The following PDS5A variants were observed in gnomAD, a reference collection of about 807,000 sequenced individuals.
PDS5A encodes PDS5 cohesin associated factor A, also known as sister chromatid cohesion protein PDS5 homolog A.
In PDS5A, 42 loss-of-function variants were observed where a neutral mutation model predicts 167.1. The observed-to-expected ratio is 0.25, with a 90% CI of 0.20 to 0.33. The LOEUF is 0.33. PDS5A is among the 10% of genes least tolerant of loss of function. The probability of loss-of-function intolerance (pLI) is 1.00; values close to 1 mark genes in which losing one functional copy is unlikely to be tolerated. For synonymous variants in PDS5A, 553 were observed against 554.6 expected, an observed-to-expected ratio of 1.00 and a Z score of 0.04; for missense variants, 1,033 against 1,605.9, an observed-to-expected ratio of 0.64 and a Z score of 6.10.
Position 39,908,477 on chromosome 4 carries a change from A to G in PDS5A, c.1151T>C (p.Ile384Thr). Residue 384 changes from isoleucine (I) to threonine (T), a missense_variant, in exon 11 of 33, where the codon ATA becomes ACA. This residue lies in a region of PDS5A where 388 missense variants were observed against 615.1 expected (regional missense o/e 0.63). Coordinates refer to ENST00000303538, the MANE Select transcript of PDS5A (RefSeq NM_001100399.2). ...CAGGTCCCTCTTGGCAGCTGTTATTATAGTAACAATGACATCATGACGAAT... is the reference window on the plus strand; with the variant it reads ...CAGGTCCCTCTTGGCAGCTGTTATTGTAGTAACAATGACATCATGACGAAT... ...EAIRHDVIVT[I>T]ITAAKRDLAL... 1.2e-6 allele frequency: 2 copies of G among 1,601,094 alleles called. No homozygotes were observed. The highest frequency in any genetic ancestry group is 1.7e-6 in the Non-Finnish European group (2 of 1,168,208).
At chr4:39,896,125 C>T (rs1461951743) in intron 16 of PDS5A, among the ~76,000 whole-genome samples, 1 of 151,360 alleles carries the variant, frequency 6.6e-6, no homozygotes, top group Admixed American at 6.6e-5. Context: ...TCACTGTAGG[C>T]TTAAAATCCT....
chr4:39,895,577 A>G (rs983807364), intron 16 of PDS5A, among the ~76,000 whole-genome samples: 107 of 152,336 alleles, frequency 7.0e-4, no homozygotes, highest in African/African-American at 2.4e-3. Flanking sequence ...GAAACAGGAC[A>G]TTACAGTACA....
intron 16 of PDS5A, 25 bp from the exon 17 acceptor site, chr4:39,890,389 A>C: frequency 8.2e-7 from 1 of 1,226,582 alleles, no homozygotes; most frequent in East Asian, 2.5e-5. Flanking sequence ...GAGTTTTACC[A>C]AAAACGTGAT....
chr4:39,863,567 A>T, intron 23 of PDS5A, 108 bp from the exon 24 acceptor site: 1 of 685,156 alleles, frequency 1.5e-6, no homozygotes, highest in Non-Finnish European at 2.3e-6. Flanking sequence ...ATTTATGTTT[A>T]AAATGACGTA....
chr4:39,910,760 G>A (rs1448917688), intron 9 of PDS5A, among the ~76,000 whole-genome samples: 3 of 152,090 alleles, frequency 2.0e-5, no homozygotes, highest in East Asian at 1.9e-4. Context: ...TTTGGGAGGC[G>A]GAGACAGGTG....
At chr4:39,953,742 A>G (rs1413340636) in intron 2 of PDS5A, among the ~76,000 whole-genome samples, 2 of 152,170 alleles carry the variant, frequency 1.3e-5, no homozygotes, top group Non-Finnish European at 2.9e-5. Flanking sequence ...AAGAATAAGT[A>G]AAGTAAAATT....
intron 8 of PDS5A, among the ~76,000 whole-genome samples, chr4:39,915,915 G>A (rs1383227136): frequency 2.6e-5 from 4 of 151,982 alleles, no homozygotes; most frequent in Non-Finnish European, 5.9e-5. Context: ...CTGAAAACTC[G>A]CCCCTCTGCT....
At chr4:39,928,235 A>T (rs1282587228) in intron 2 of PDS5A, 71 bp from the exon 3 acceptor site, 3 of 875,934 alleles carry the variant, frequency 3.4e-6, no homozygotes, top group East Asian at 5.6e-5. Context: ...ATGTGATTTA[A>T]AAAAAAAAAA....
chr4:39,863,554 A>G, intron 23 of PDS5A, 95 bp from the exon 24 acceptor site: 2 of 778,878 alleles, frequency 2.6e-6, no homozygotes, highest in Middle Eastern at 2.5e-4. Flanking sequence ...TCCTTAGAGC[A>G]TAATTTATGT....
intron 18 of PDS5A, among the ~76,000 whole-genome samples, chr4:39,877,447 T>G (rs1165576755): frequency 6.6e-6 from 1 of 152,148 alleles, no homozygotes; most frequent in East Asian, 1.9e-4. Context: ...CATGGCTCCT[T>G]TTTTATGGAA....
intron 2 of PDS5A, among the ~76,000 whole-genome samples, chr4:39,946,991 A>C (rs1290292039): frequency 1.3e-5 from 2 of 152,040 alleles, no homozygotes; most frequent in African/African-American, 4.8e-5. Flanking sequence ...CTGTAAAACC[A>C]GCACTGTGAG....
intron 2 of PDS5A, among the ~76,000 whole-genome samples, chr4:39,930,246 A>AATTTTTTTTTT: frequency 1.1e-5 from 1 of 93,088 alleles, no homozygotes; most frequent in African/African-American, 3.7e-5. Context: ...AAAAAAAAAA[A>AATTTTTTTTTT]GTTTTTTTGT....
At chr4:39,882,209 T>C (rs1332825070) in intron 17 of PDS5A, among the ~76,000 whole-genome samples, 1 of 152,230 alleles carries the variant, frequency 6.6e-6, no homozygotes, top group Non-Finnish European at 1.5e-5. Context: ...GTATTAATAC[T>C]AACTGTCCTT....
Position 39,825,443 on chromosome 4 carries a change from G to A in PDS5A, c.*42C>T, listed in dbSNP as rs1166405295. On this transcript the variant is annotated 3_prime_UTR_variant, in exon 33 of 33. Transcript: ENST00000303538. ...CAAGTTTTTGCAGAAGCTGGAGCCT[G>A]CTTCTGTTTGGCCTTCATTTTCTCC... 6.4e-7 allele frequency: 1 copy of A among 1,555,928 alleles called. No homozygotes were observed. The highest frequency in any genetic ancestry group is 8.7e-7 in the Non-Finnish European group (1 of 1,143,310).
Position 39,863,354 on chromosome 4 carries a change from G to A in PDS5A, c.2748C>T (p.Leu916=). 1 of 1,603,940 alleles carries A rather than the reference G, an allele frequency of 6.2e-7. No individual in the cohort carries two copies. Among genetic ancestry groups the A allele is most frequent in the East Asian group, 2.2e-5 (1 of 44,794 alleles). ...TACTTACATTAATAACAAGTGCACAGAGCTGAAACTGTTCTGGGGTAATAA... is the reference window on the plus strand; with the variant it reads ...TACTTACATTAATAACAAGTGCACAAAGCTGAAACTGTTCTGGGGTAATAA... ...HEIITPEQFQ[L]CALVINDECY... The change falls in exon 24 of 33, where the codon CTC becomes CTT. Residue 916 remains leucine, a synonymous_variant. Transcript: ENST00000303538.
rs754652324 is a variant in PDS5A at position 39,898,747 on chromosome 4, C to T, written c.1630+30G>A. ...ACTTTGTCTGCATTTACGTTTACTA[C>T]ATGTTTAGTGAGTAAATAAACATAC... On this transcript the variant is annotated intron_variant, in intron 15 of 32. Transcript: ENST00000303538. 6 of 1,402,722 alleles carry T rather than the reference C, an allele frequency of 4.3e-6. 1 individual carries two copies. Among genetic ancestry groups the T allele is most frequent in the Non-Finnish European group, 4.0e-6 (4 of 1,004,074 alleles). 86.9% of individuals were successfully genotyped at this position (1,402,722 alleles called of 1,614,324 possible).
In PDS5A at chr4:39,844,682, C is replaced by A. The variant is rs1426341831; in HGVS notation, c.3522G>T (p.Leu1174=). ...TGSNINVNSE[L]NPSTGNRSRE... ...TTGATCGATTTCCGGTTGAAGGGTT[C>A]AGCTCTGAATTTACATTAATATTGC... The change falls in exon 30 of 33, where the codon CTG becomes CTT. Residue 1174 remains leucine, a synonymous_variant. Transcript: ENST00000303538. The A allele has an allele frequency of 6.2e-7, 1 of 1,612,148 alleles. No homozygotes were observed. The highest frequency in any genetic ancestry group is 8.5e-7 in the Non-Finnish European group (1 of 1,179,334).
chr4:39,861,394 G>A (rs1483014958), intron 26 of PDS5A, among the ~76,000 whole-genome samples: 2 of 152,142 alleles, frequency 1.3e-5, no homozygotes, highest in African/African-American at 2.4e-5. Context: ...GGAGGCAGAT[G>A]TTGCAGTGAG....
chr4:39,843,393 A>C (rs977578748), intron 30 of PDS5A, among the ~76,000 whole-genome samples: 16 of 152,154 alleles, frequency 1.1e-4, no homozygotes, highest in African/African-American at 3.1e-4. Flanking sequence ...TTAAAAGTTA[A>C]TGTTTTCATA....
Sources: gnomAD v4.1 joint callset for allele counts (sites outside exome capture counted in the v4.1 genomes callset) on GRCh38, gnomAD v4.1.1 for gene constraint, gnomAD v4.1.1 regional missense constraint, MANE v1.5 for transcripts, NCBI Gene and HGNC (gene_info 2026-07-23, HGNC 2026-07-21) for gene names.